Variants in MYO18B observed in about 807,000 individuals in gnomAD.
MYO18B encodes the protein unconventional myosin-XVIIIb.
A neutral mutation model predicts 273.0 loss-of-function variants in MYO18B; 204 were observed. That is an observed-to-expected ratio of 0.75 (90% CI 0.67 to 0.84). MYO18B has a LOEUF of 0.84. MYO18B is among the 40% of genes least tolerant of loss of function. The pLI is 0.00. For missense variants in MYO18B, 3,212 were observed against 3,287.6 expected (o/e 0.98, Z 0.56); for synonymous variants, 1,330 against 1,305.7 (o/e 1.02, Z -0.40).
chr22:25,765,201 C>G (rs2086462449), intron 3 of MYO18B, among the ~76,000 whole-genome samples: 1 of 152,180 alleles, frequency 6.6e-6, no homozygotes, highest in Non-Finnish European at 1.5e-5. Context: ...CAGCAGGTGG[C>G]TGGACCATGG....
chr22:25,902,554 T>TCAATCACTCCCCTGCCC (rs1366642689), intron 29 of MYO18B, 59 bp from the exon 30 acceptor site: 1 of 1,557,022 alleles, frequency 6.4e-7, no homozygotes, highest in Non-Finnish European at 8.7e-7. Flanking sequence ...TGCCCCTGCC[T>TCAATCACTCCCCTGCCC]CAATCACTCC....
At chr22:25,797,214 C>T (rs1406538679) in intron 11 of MYO18B, among the ~76,000 whole-genome samples, 2 of 152,110 alleles carry the variant, frequency 1.3e-5, no homozygotes, top group East Asian at 1.9e-4. Flanking sequence ...GGCAACAGAG[C>T]GAGACTCTGT....
rs150128184 is a variant in MYO18B at position 25,961,041 on chromosome 22, T to G, written c.6156+5677T>G. ...GAGGAAAGAAGGGAAAGGAAGGAAT[T>G]AAGGAAGGAAGGAAGGAAGCAACAA... On this transcript the variant is annotated intron_variant, in intron 39 of 43. Transcript: ENST00000335473. Among the ~76,000 whole-genome samples the G allele has an allele frequency of 4.1e-3, 613 of 151,306 alleles. 8 individuals are homozygous for G. Among genetic ancestry groups the G allele is most frequent in the South Asian group, 0.021 (101 of 4,776 alleles).
intron 9 of MYO18B, 120 bp from the exon 10 acceptor site, chr22:25,781,609 CAAAAA>C (rs67116433): frequency 1.1e-5 from 3 of 277,408 alleles, no homozygotes; most frequent in Non-Finnish European, 1.9e-5. Context: ...GACTCCGTCT[CAAAAA>C]AAAAAAAAAA....
intron 32 of MYO18B, among the ~76,000 whole-genome samples, chr22:25,909,359 G>A (rs1419864599): frequency 6.6e-6 from 1 of 152,198 alleles, no homozygotes; most frequent in Non-Finnish European, 1.5e-5. Flanking sequence ...GTTATTTTGT[G>A]TGTTTTTCAA....
At chr22:25,781,608 T>TAAAAAAA (rs2087157477) in intron 9 of MYO18B, 126 bp from the exon 10 acceptor site, 1 of 125,838 alleles carries the variant, frequency 7.9e-6, no homozygotes. Context: ...AGACTCCGTC[T>TAAAAAAA]CAAAAAAAAA....
chr22:25,855,724 T>A (rs2090551854), intron 21 of MYO18B, among the ~76,000 whole-genome samples: 1 of 152,240 alleles, frequency 6.6e-6, no homozygotes, highest in Non-Finnish European at 1.5e-5. Flanking sequence ...CATGTGCATG[T>A]GTCTTTATAA....
chr22:25,763,542 A>G (rs938170980), intron 3 of MYO18B, among the ~76,000 whole-genome samples, 153 bp downstream of exon 3: 1 of 152,116 alleles, frequency 6.6e-6, no homozygotes, highest in Non-Finnish European at 1.5e-5. Context: ...TTGAGCTCTT[A>G]TGTACCCTTC....
At chr22:25,885,022 A>C (rs189593816) in intron 25 of MYO18B, 1 of 152,284 alleles carries the variant, frequency 6.6e-6, no homozygotes, top group Non-Finnish European at 1.5e-5. Flanking sequence ...AGAAAATGAC[A>C]TATCGTAGAC....
At chr22:25,875,642 C>T (rs2091171231) in intron 23 of MYO18B, among the ~76,000 whole-genome samples, 2 of 152,190 alleles carry the variant, frequency 1.3e-5, no homozygotes, top group South Asian at 4.1e-4. Flanking sequence ...GAATCAGCAC[C>T]TTTGGGGGTG....
At chr22:25,980,844 G>A (rs1339068710) in intron 39 of MYO18B, among the ~76,000 whole-genome samples, 1 of 152,180 alleles carries the variant, frequency 6.6e-6, no homozygotes, top group Non-Finnish European at 1.5e-5. Context: ...GAAAGGTATT[G>A]TCCTACAGTT....
At chr22:25,806,284 C>T (rs919320374) in intron 12 of MYO18B, among the ~76,000 whole-genome samples, 19 of 152,216 alleles carry the variant, frequency 1.2e-4, no homozygotes, top group African/African-American at 4.1e-4. Context: ...ACGACAACCA[C>T]TCGGCTACTG....
At chr22:26,051,780 A>G in the MYO18B span, among the ~76,000 whole-genome samples, 3 of 152,304 alleles carry the variant, frequency 2.0e-5, no homozygotes, top group South Asian at 4.1e-4. Flanking sequence ...ACAATTTTTT[A>G]AAGGTATGTG....
chr22:25,768,664 A>G lies in MYO18B; in HGVS notation c.748A>G (p.Thr250Ala). 6.5e-7 allele frequency: 1 copy of G among 1,538,372 alleles called. No homozygotes were observed. Among genetic ancestry groups the G allele is most frequent in the Non-Finnish European group, 8.7e-7 (1 of 1,147,516 alleles). ...GGGGAAGGGGCTTGGGACCCCCAAG[A>G]CCACAGAGCTGAAAGAGGCTGAGCC... ...IVGKGLGTPKTTELKEAEPQG... is the reference protein window; with the variant it reads ...IVGKGLGTPKATELKEAEPQG... Residue 250 changes from threonine (T) to alanine (A), a missense_variant, in exon 4 of 44, where the codon ACC becomes GCC. By Grantham distance (58) the Thr-to-Ala change is moderately conservative. Coordinates refer to ENST00000335473, the MANE Select transcript of MYO18B (RefSeq NM_032608.7).
chr22:26,046,279 G>T, the MYO18B span, among the ~76,000 whole-genome samples: 1 of 152,196 alleles, frequency 6.6e-6, no homozygotes, highest in East Asian at 1.9e-4. Context: ...GGAGCAGAGG[G>T]TAAGCATTGT....
At chr22:25,774,120 C>A (rs2086826712) in intron 7 of MYO18B, among the ~76,000 whole-genome samples, 1 of 152,044 alleles carries the variant, frequency 6.6e-6, no homozygotes, top group Admixed American at 6.5e-5. Flanking sequence ...ACAAATCCAT[C>A]CCTAGTCCCT....
At chr22:26,008,150 T>C (rs1382643972) in intron 42 of MYO18B, among the ~76,000 whole-genome samples, 3 of 152,230 alleles carry the variant, frequency 2.0e-5, no homozygotes, top group Non-Finnish European at 4.4e-5. Flanking sequence ...TCTCATTCTT[T>C]GTAATTCCTG....
chr22:26,048,289 C>T, the MYO18B span, among the ~76,000 whole-genome samples: 1 of 152,206 alleles, frequency 6.6e-6, no homozygotes, highest in Admixed American at 6.5e-5. Flanking sequence ...CCTGAAAAGT[C>T]TTGGCAGATA....
At chr22:25,804,664 A>C (rs1205131540) in intron 12 of MYO18B, among the ~76,000 whole-genome samples, 2 of 152,244 alleles carry the variant, frequency 1.3e-5, no homozygotes, top group Non-Finnish European at 2.9e-5. Context: ...CTTTTGGCAC[A>C]AGCCAGGTGG....
Sources: gnomAD v4.1 joint callset for allele counts (sites outside exome capture counted in the v4.1 genomes callset) on GRCh38, gnomAD v4.1.1 for gene constraint, MANE v1.5 for transcripts, NCBI Gene and HGNC (gene_info 2026-07-23, HGNC 2026-07-21) for gene names.